MEI4: variants seen among roughly 807,000 people sequenced by gnomAD.
MEI4 encodes meiotic double-stranded break formation protein 4.
A neutral mutation model predicts 31.4 loss-of-function variants in MEI4; 27 were observed. That is an observed-to-expected ratio of 0.86 (90% CI 0.63 to 1.19). The LOEUF (loss-of-function observed/expected upper bound fraction) is 1.19. Among genes scored for constraint, MEI4 ranks in the 50% most tolerant of loss-of-function variants. MEI4 has a pLI of 0.00. For synonymous variants in MEI4, 122 were observed against 145.4 expected (o/e 0.84, Z 1.16); for missense variants, 329 against 398.9 (o/e 0.82, Z 1.49).
At chr6:77,754,031 A>G (rs1011425018) in intron 2 of MEI4, among the ~76,000 whole-genome samples, 24 of 152,174 alleles carry the variant, frequency 1.6e-4, no homozygotes, top group African/African-American at 5.3e-4. Context: ...TGTCTCACTC[A>G]TAAGTGGGAG....
chr6:77,814,975 G>A (rs1200407094), intron 3 of MEI4, among the ~76,000 whole-genome samples: 1 of 152,102 alleles, frequency 6.6e-6, no homozygotes, highest in African/African-American at 2.4e-5. Context: ...TATGGATTGT[G>A]TTCTGTGCCC....
chr6:77,909,639 A>C (rs1254695147), intron 4 of MEI4, among the ~76,000 whole-genome samples: 1 of 152,126 alleles, frequency 6.6e-6, no homozygotes, highest in Admixed American at 6.6e-5. Context: ...ACAAGGAGGA[A>C]CTGGTACCAT....
At chr6:77,845,152 C>T (rs753059774) in intron 4 of MEI4, among the ~76,000 whole-genome samples, 5 of 152,098 alleles carry the variant, frequency 3.3e-5, no homozygotes, top group Non-Finnish European at 7.4e-5. Context: ...GTACAGCTAA[C>T]AGCTTTTGTC....
rs554978383 is a variant in MEI4 at position 77,897,871 on chromosome 6, A to T, written c.901-25218A>T. ...ATCTCTAGGAAATTTCCCCTAATTA[A>T]CTGTACTCTGCTCTAACCAGAGCTT... On this transcript the variant is annotated intron_variant, in intron 4 of 4. Transcript: ENST00000684080. Among the ~76,000 whole-genome samples the T allele has an allele frequency of 4.4e-4, 67 of 151,958 alleles. No individual in the cohort carries two copies. The South Asian group carries it at 0.014, about 32-fold the overall frequency.
chr6:77,891,504 C>G (rs1162001867), intron 4 of MEI4, among the ~76,000 whole-genome samples: 1 of 152,064 alleles, frequency 6.6e-6, no homozygotes, highest in Non-Finnish European at 1.5e-5. Context: ...CTGAATTTCT[C>G]TTTTAGATCA....
At chr6:77,854,051 T>C (rs1770693241) in intron 4 of MEI4, among the ~76,000 whole-genome samples, 1 of 152,168 alleles carries the variant, frequency 6.6e-6, no homozygotes, top group Admixed American at 6.5e-5. Context: ...TATGTGACCA[T>C]GAGCTTCCTT....
intron 2 of MEI4, among the ~76,000 whole-genome samples, chr6:77,746,614 A>C (rs966257173): frequency 6.6e-6 from 1 of 150,790 alleles, no homozygotes; most frequent in Non-Finnish European, 1.5e-5. Flanking sequence ...CCAATTGCTT[A>C]AGTCAGTTTC....
chr6:77,780,823 A>T (rs1768576899), intron 3 of MEI4, among the ~76,000 whole-genome samples: 1 of 152,144 alleles, frequency 6.6e-6, no homozygotes, highest in African/African-American at 2.4e-5. Flanking sequence ...CTCTTCTGTT[A>T]AAAGTGTATG....
rs879346722 is a variant in MEI4, at chr6:77,809,531, C to T, written c.769-19400C>T. On this transcript the variant is annotated intron_variant, in intron 3 of 4. Coordinates refer to ENST00000684080, the MANE Select transcript of MEI4 (RefSeq NM_001322247.2). ...TTTAGATTTTAGAATTCTTTCACTT[C>T]TGTTCACTTAGTTGATTCTCAATCT... 3.0e-4 allele frequency among the ~76,000 whole-genome samples: 46 copies of T among 152,152 alleles called. 1 individual carries two copies. Among genetic ancestry groups the T allele is most frequent in the Non-Finnish European group, 2.2e-4 (15 of 68,024 alleles).
At chr6:77,818,006 T>A (rs1769727312) in intron 3 of MEI4, among the ~76,000 whole-genome samples, 2 of 152,230 alleles carry the variant, frequency 1.3e-5, no homozygotes, top group African/African-American at 4.8e-5. Context: ...TTTTAGCCAG[T>A]GTATGCAAAC....
chr6:77,738,046 G>A (rs1582082735), intron 2 of MEI4, among the ~76,000 whole-genome samples: 1 of 152,328 alleles, frequency 6.6e-6, no homozygotes, highest in East Asian at 1.9e-4. Context: ...CTTTGAGGCA[G>A]TGAGAAAGAT....
chr6:77,764,209 T>G (rs1582117045), intron 3 of MEI4, among the ~76,000 whole-genome samples: 1 of 152,158 alleles, frequency 6.6e-6, no homozygotes, highest in Non-Finnish European at 1.5e-5. Flanking sequence ...AAGTTGCATA[T>G]TTTTAGGAAT....
chr6:77,655,026 T>A (rs181444403), intron 1 of MEI4, among the ~76,000 whole-genome samples: 3 of 152,318 alleles, frequency 2.0e-5, no homozygotes, highest in African/African-American at 4.8e-5. Flanking sequence ...CAACCCATCA[T>A]CTACATTAGG....
chr6:77,782,727 TTTGA>T (rs1019894485), intron 3 of MEI4, among the ~76,000 whole-genome samples: 11 of 152,320 alleles, frequency 7.2e-5, no homozygotes, highest in African/African-American at 2.2e-4. Flanking sequence ...TATATGTAGC[TTTGA>T]TTGAGCTGGA....
chr6:77,875,254 A>G (rs1245766253), intron 4 of MEI4, among the ~76,000 whole-genome samples: 1 of 152,112 alleles, frequency 6.6e-6, no homozygotes, highest in African/African-American at 2.4e-5. Flanking sequence ...ATGTATGTTT[A>G]TCTATTTATT....
intron 4 of MEI4, among the ~76,000 whole-genome samples, chr6:77,873,206 T>C (rs1299942870): frequency 6.6e-6 from 1 of 152,228 alleles, no homozygotes; most frequent in South Asian, 2.1e-4. Flanking sequence ...TGAACTAGTT[T>C]ACAGTCCCAC....
intron 4 of MEI4, among the ~76,000 whole-genome samples, chr6:77,849,794 TTTAG>T (rs1770572897): frequency 6.6e-6 from 1 of 152,186 alleles, no homozygotes. Flanking sequence ...ACTTCTTTTA[TTTAG>T]TTAGTTGATG....
At chr6:77,872,647 G>A (rs981419690) in intron 4 of MEI4, among the ~76,000 whole-genome samples, 19 of 150,672 alleles carry the variant, frequency 1.3e-4, no homozygotes, top group African/African-American at 4.1e-4. Context: ...AGTTACATAT[G>A]TATACATCTG....
chr6:77,658,453 A>T (rs576343122), intron 1 of MEI4, among the ~76,000 whole-genome samples: 218 of 152,216 alleles, frequency 1.4e-3, no homozygotes, highest in African/African-American at 5.1e-3. Flanking sequence ...TTGGGCTCAG[A>T]GGCCTGACAT....
Sources: allele counts gnomAD v4.1 joint callset (sites outside exome capture counted in the v4.1 genomes callset), GRCh38; gene constraint gnomAD v4.1.1; transcripts MANE v1.5; gene names NCBI Gene and HGNC (gene_info 2026-07-23, HGNC 2026-07-21).